Variants in AAGAB observed in about 807,000 individuals in gnomAD.
The protein encoded by AAGAB is alpha- and gamma-adaptin-binding protein p34.
In AAGAB, 38 loss-of-function variants were observed where a neutral mutation model predicts 44.1. The observed-to-expected ratio is 0.86, with a 90% confidence interval of 0.67 to 1.13. The LOEUF (loss-of-function observed/expected upper bound fraction) is 1.13, where lower values mean the gene tolerates loss of function less well. AAGAB is among the 50% of genes most tolerant of loss of function. The probability of loss-of-function intolerance (pLI) is 0.00; values close to 1 mark genes in which losing one functional copy is unlikely to be tolerated. For synonymous variants in AAGAB, 131 were observed against 131.8 expected, an observed-to-expected ratio of 0.99 and a Z score of 0.04; for missense variants, 450 against 373.8, an observed-to-expected ratio of 1.20 and a Z score of -1.68.
chr15:67,231,725 A>G, intron 5 of AAGAB, 89 bp downstream of exon 5: 1 of 1,029,470 alleles, frequency 9.7e-7, no homozygotes, highest in Non-Finnish European at 1.5e-6. Flanking sequence ...CAGATTTCAT[A>G]TAGCACTAAT....
At chr15:67,215,041 A>C (rs1963911556) in intron 5 of AAGAB, among the ~76,000 whole-genome samples, 1 of 152,148 alleles carries the variant, frequency 6.6e-6, no homozygotes, top group Non-Finnish European at 1.5e-5. Context: ...TCGGCAGTGA[A>C]AATATCCTCC....
chr15:67,252,052 C>A (rs1181765799), intron 1 of AAGAB, among the ~76,000 whole-genome samples: 2 of 152,110 alleles, frequency 1.3e-5, no homozygotes, highest in Admixed American at 6.5e-5. Flanking sequence ...TTAACCCGAA[C>A]TGGAATTATC....
At chr15:67,220,723 TATAG>T (rs1219317859) in intron 5 of AAGAB, among the ~76,000 whole-genome samples, 11 of 152,342 alleles carry the variant, frequency 7.2e-5, no homozygotes, top group South Asian at 6.2e-4. Context: ...AAAAATATTA[TATAG>T]ATAAATACTG....
At chr15:67,232,935 A>G (rs779315480) in intron 4 of AAGAB, 1 of 156,416 alleles carries the variant, frequency 6.4e-6, no homozygotes, top group Non-Finnish European at 1.4e-5. Context: ...AGAATATTCT[A>G]GAAACTAAAG....
chr15:67,243,645 C>T (rs946500444), intron 1 of AAGAB, among the ~76,000 whole-genome samples: 5 of 152,030 alleles, frequency 3.3e-5, no homozygotes, highest in African/African-American at 9.7e-5. Context: ...TCAACAGTGC[C>T]GAAGCTGAGA....
chr15:67,236,155 G>T, intron 3 of AAGAB, 87 bp from the exon 4 acceptor site: 1 of 1,098,916 alleles, frequency 9.1e-7, no homozygotes, highest in Non-Finnish European at 1.3e-6. Flanking sequence ...ATCTCAATGT[G>T]TTTCCCTTAA....
At chr15:67,215,067 A>G (rs966871334) in intron 5 of AAGAB, among the ~76,000 whole-genome samples, 7 of 152,126 alleles carry the variant, frequency 4.6e-5, no homozygotes, top group Non-Finnish European at 8.8e-5. Context: ...ATTCTGAGAA[A>G]CTTCTCTAGA....
At chr15:67,232,821 G>C in intron 4 of AAGAB, 1 of 192,526 alleles carries the variant, frequency 5.2e-6, no homozygotes, top group Non-Finnish European at 1.1e-5. Flanking sequence ...GTTAGTGCTG[G>C]CAAAAAGCCA....
chr15:67,250,734 A>G (rs1021600438), intron 1 of AAGAB, among the ~76,000 whole-genome samples: 9 of 152,150 alleles, frequency 5.9e-5, no homozygotes, highest in Admixed American at 3.3e-4. Context: ...CCTTTAAAAA[A>G]TCTACCCTGT....
At chr15:67,251,973 C>T (rs1345147131) in intron 1 of AAGAB, among the ~76,000 whole-genome samples, 1 of 152,176 alleles carries the variant, frequency 6.6e-6, no homozygotes, top group African/African-American at 2.4e-5. Flanking sequence ...GTAATCTGCT[C>T]ACTAGCTGTT....
chr15:67,207,189 CAAACAA>C (rs1007714772), intron 7 of AAGAB, among the ~76,000 whole-genome samples: 22 of 152,276 alleles, frequency 1.4e-4, no homozygotes, highest in African/African-American at 5.3e-4. Context: ...AACTCCATCT[CAAACAA>C]AAACAAAAAC....
chr15:67,203,007 A>G lies in AAGAB; in HGVS notation c.871-109T>C, dbSNP rs569770423. On this transcript the variant is annotated intron_variant, in intron 9 of 9. Coordinates refer to ENST00000261880, the MANE Select transcript of AAGAB (RefSeq NM_024666.5). ...CCTAAAATTCTGCACTTTGCCCTCCAGTCCTCTGGCAACACATATCAGAAC... is the reference window on the plus strand; with the variant it reads ...CCTAAAATTCTGCACTTTGCCCTCCGGTCCTCTGGCAACACATATCAGAAC... The G allele has an allele frequency of 5.2e-6, 5 of 954,876 alleles. No individual in the cohort carries two copies. The East Asian group carries it at 1.2e-4, about 23-fold the overall frequency. The allele number at this position is 954,876 out of a possible 1,614,324, so 59.2% of individuals were successfully genotyped here. A position where few individuals can be genotyped will look rare whatever the true frequency, so the allele number is the denominator to read the frequency against.
chr15:67,233,153 C>T (rs1044667185), intron 4 of AAGAB, among the ~76,000 whole-genome samples: 1 of 152,154 alleles, frequency 6.6e-6, no homozygotes, highest in Non-Finnish European at 1.5e-5. Context: ...ATGCTCTATC[C>T]TGTGCTGGAA....
intron 5 of AAGAB, among the ~76,000 whole-genome samples, chr15:67,229,320 C>T (rs1308146898): frequency 1.3e-5 from 2 of 151,806 alleles, no homozygotes; most frequent in Non-Finnish European, 2.9e-5. Flanking sequence ...GTAATCCTGG[C>T]TACTCAGGAG....
chr15:67,210,727 G>C (rs1344082637), intron 5 of AAGAB, among the ~76,000 whole-genome samples: 2 of 152,132 alleles, frequency 1.3e-5, no homozygotes, highest in African/African-American at 4.8e-5. Context: ...TAGTATTCAA[G>C]GACGCTATCT....
At chr15:67,226,232 A>G (rs1473848148) in intron 5 of AAGAB, among the ~76,000 whole-genome samples, 1 of 152,026 alleles carries the variant, frequency 6.6e-6, no homozygotes, top group Non-Finnish European at 1.5e-5. Flanking sequence ...TCTAGGCTCA[A>G]GTGATCCTTC....
chr15:67,252,257 T>C (rs1964888276), intron 1 of AAGAB, among the ~76,000 whole-genome samples: 1 of 152,232 alleles, frequency 6.6e-6, no homozygotes, highest in South Asian at 2.1e-4. Context: ...GCATTTAGAA[T>C]AATTAATATT....
intron 1 of AAGAB, chr15:67,242,598 GA>G (rs1964629657): frequency 6.6e-6 from 1 of 152,204 alleles, no homozygotes; most frequent in African/African-American, 2.4e-5. Context: ...CCTAAATACT[GA>G]AAGTAGATTA....
In AAGAB at chr15:67,202,093, C is replaced by A. The variant is rs1486055724; in HGVS notation, c.*728G>T. On this transcript the variant is annotated 3_prime_UTR_variant, in exon 10 of 10. Transcript: ENST00000261880. ...TCACATACTGTCTCCATGGCCCATA[C>A]AAGGACTCCTTAAGGTTCTCTCTAA... 6.6e-6 allele frequency: 1 copy of A among 152,368 alleles called. No individual in the cohort carries two copies. Among genetic ancestry groups the A allele is most frequent in the Non-Finnish European group, 1.5e-5 (1 of 68,050 alleles). The allele number at this position is 152,368 out of a possible 1,614,324, so 9.4% of individuals were successfully genotyped here.
Sources: gnomAD v4.1 joint callset for allele counts (sites outside exome capture counted in the v4.1 genomes callset) on GRCh38, gnomAD v4.1.1 for gene constraint, MANE v1.5 for transcripts, NCBI Gene and HGNC (gene_info 2026-07-23, HGNC 2026-07-21) for gene names.